Variants in NSMCE2 observed in about 807,000 individuals in gnomAD.
The protein encoded by NSMCE2 is NSE2 SUMO ligase component of SMC5/6 complex.
In NSMCE2, 24 loss-of-function variants were observed where a neutral mutation model predicts 23.8. The observed-to-expected ratio is 1.01, with a 90% CI of 0.73 to 1.42. The LOEUF (loss-of-function observed/expected upper bound fraction) is 1.42, where lower values mean the gene tolerates loss of function less well. Among genes scored for constraint, NSMCE2 ranks in the 40% most tolerant of loss-of-function variants. NSMCE2 has a pLI of 0.00. For synonymous variants in NSMCE2, 92 were observed against 94.1 expected (o/e 0.98, Z 0.13); for missense variants, 284 against 296.5 (o/e 0.96, Z 0.31).
At chr8:125,305,196 T>A (rs1228503295) in intron 5 of NSMCE2, among the ~76,000 whole-genome samples, 1 of 152,226 alleles carries the variant, frequency 6.6e-6, no homozygotes, top group East Asian at 1.9e-4. Flanking sequence ...AGACTGAAAC[T>A]ATATACCTGG....
At chr8:125,228,599 G>C (rs1416939415) in intron 5 of NSMCE2, among the ~76,000 whole-genome samples, 1 of 152,186 alleles carries the variant, frequency 6.6e-6, no homozygotes, top group African/African-American at 2.4e-5. Context: ...GGGCATTTGA[G>C]GCTGAGAGTA....
intron 7 of NSMCE2, among the ~76,000 whole-genome samples, chr8:125,360,081 C>T (rs554883293): frequency 1.3e-5 from 2 of 152,208 alleles, no homozygotes; most frequent in East Asian, 1.9e-4. Context: ...GAAGAAGCAG[C>T]GAGGGGTGGC....
intron 3 of NSMCE2, among the ~76,000 whole-genome samples, chr8:125,129,859 A>G (rs569386751): frequency 4.6e-5 from 7 of 152,214 alleles, no homozygotes; most frequent in Middle Eastern, 6.8e-3. Context: ...TGGAGTTCCC[A>G]TATACCCATA....
intron 5 of NSMCE2, among the ~76,000 whole-genome samples, chr8:125,252,255 A>G (rs1017020901): frequency 6.6e-6 from 1 of 152,222 alleles, no homozygotes; most frequent in Non-Finnish European, 1.5e-5. Context: ...CCGGCCGGGC[A>G]CAGTGGCTCA....
intron 5 of NSMCE2, among the ~76,000 whole-genome samples, chr8:125,244,312 A>G (rs1825875278): frequency 6.6e-6 from 1 of 152,150 alleles, no homozygotes; most frequent in African/African-American, 2.4e-5. Context: ...AGGATGAATA[A>G]TTTCCTAAGT....
chr8:125,153,990 G>T (rs1320874998), intron 4 of NSMCE2, among the ~76,000 whole-genome samples: 1 of 152,080 alleles, frequency 6.6e-6, no homozygotes, highest in African/African-American at 2.4e-5. Flanking sequence ...TTAAATTATT[G>T]CACAAGGTGT....
rs149646195 is a variant in NSMCE2, at chr8:125,262,517, G to A, written c.418+80261G>A. On this transcript the variant is annotated intron_variant, in intron 5 of 7. Transcript: ENST00000287437. The stretch of plus-strand genomic sequence containing the variant: ...CATTCATTCATTCATCCATTTATTA[G>A]TATTCATCCATTTATTGTTCATTCA... Among the ~76,000 whole-genome samples, 4 of 152,238 alleles carry A rather than the reference G, an allele frequency of 2.6e-5. No individual in the cohort carries two copies. In the East Asian group the frequency reaches 7.7e-4, roughly 29 times the overall value.
chr8:125,182,215 T>G lies in NSMCE2; in HGVS notation c.377T>G (p.Phe126Cys), dbSNP rs150168649. ...SDADFQNNEK[F>C]VQFKQQLKEL... ...GCAGACTTTCAAAATAATGAAAAAT[T>G]TGTACAGTTTAAACAACAGCTGAAA... is the stretch of plus-strand genomic sequence containing the variant. Residue 126 changes from phenylalanine to cysteine, a missense_variant, in exon 5 of 8, where the codon TTT becomes TGT. Phe to Cys is a radical substitution (Grantham distance 205). Transcript: ENST00000287437. 915 of 1,608,768 alleles carry G rather than the reference T, an allele frequency of 5.7e-4. 5 individuals are homozygous for G. The African/African-American group carries it at 0.011, about 20-fold the overall frequency.
intron 5 of NSMCE2, among the ~76,000 whole-genome samples, chr8:125,284,830 C>T (rs571194176): frequency 1.4e-4 from 22 of 152,102 alleles, no homozygotes; most frequent in Non-Finnish European, 3.1e-4. Context: ...ACAGTGAAAA[C>T]CCTGTCCCCT....
intron 3 of NSMCE2, among the ~76,000 whole-genome samples, chr8:125,144,659 C>G (rs1820573665): frequency 6.6e-6 from 1 of 152,140 alleles, no homozygotes; most frequent in Non-Finnish European, 1.5e-5. Flanking sequence ...CCTTTCCTTT[C>G]TTAGACGATC....
chr8:125,219,480 A>G (rs1824751604), intron 5 of NSMCE2, among the ~76,000 whole-genome samples: 1 of 152,344 alleles, frequency 6.6e-6, no homozygotes, highest in South Asian at 2.1e-4. Context: ...TGCTGCTGCT[A>G]TACTGCCTAG....
intron 3 of NSMCE2, among the ~76,000 whole-genome samples, chr8:125,126,410 C>T (rs1373643702): frequency 6.6e-6 from 1 of 151,582 alleles, no homozygotes; most frequent in Non-Finnish European, 1.5e-5. Context: ...TGTCTTTGCT[C>T]ACAAGATGTG....
At chr8:125,309,903 AC>A (rs1307573319) in intron 5 of NSMCE2, among the ~76,000 whole-genome samples, 5 of 152,196 alleles carry the variant, frequency 3.3e-5, no homozygotes, top group African/African-American at 1.2e-4. Context: ...AACAAGAAGC[AC>A]CAGTCTGTGG....
chr8:125,303,748 G>T (rs936606055), intron 5 of NSMCE2, among the ~76,000 whole-genome samples: 1 of 152,156 alleles, frequency 6.6e-6, no homozygotes, highest in African/African-American at 2.4e-5. Context: ...TTGTCCACCA[G>T]TCCCACACTG....
intron 4 of NSMCE2, among the ~76,000 whole-genome samples, chr8:125,167,258 C>G (rs1269805474): frequency 6.6e-6 from 1 of 152,122 alleles, no homozygotes; most frequent in Non-Finnish European, 1.5e-5. Context: ...AGTTGAGATT[C>G]TCATTAGTTA....
intron 3 of NSMCE2, chr8:125,124,178 A>T (rs1439624990): frequency 6.6e-6 from 1 of 152,142 alleles, no homozygotes; most frequent in Non-Finnish European, 1.5e-5. Context: ...CTGTTTTCTT[A>T]GCATAAGGTT....
chr8:125,160,709 G>A (rs1367231958), intron 4 of NSMCE2, among the ~76,000 whole-genome samples: 16 of 152,296 alleles, frequency 1.1e-4, no homozygotes, highest in South Asian at 6.2e-4. Flanking sequence ...CAGACAACAA[G>A]TAAACATTCA....
At position 125,243,350 on chromosome 8, in the gene NSMCE2, A is replaced by G. The variant is rs145206342; in HGVS notation, c.418+61094A>G. On this transcript the variant is annotated intron_variant, in intron 5 of 7. Transcript: ENST00000287437. ...AGAGAGTTACAGACTTATGTGTCAT[A>G]TCGAGAAATTTGGATTTGATTTTAA... Among the ~76,000 whole-genome samples the G allele has an allele frequency of 5.1e-4, 78 of 152,336 alleles. 1 individual carries two copies. In the East Asian group the frequency reaches 0.012, roughly 24 times the overall value.
At chr8:125,177,966 T>G (rs1822579253) in intron 4 of NSMCE2, among the ~76,000 whole-genome samples, 1 of 152,186 alleles carries the variant, frequency 6.6e-6, no homozygotes, top group South Asian at 2.1e-4. Flanking sequence ...GCTGTCCACA[T>G]TAAATATCTT....
Sources: allele counts gnomAD v4.1 joint callset (sites outside exome capture counted in the v4.1 genomes callset), GRCh38; gene constraint gnomAD v4.1.1; transcripts MANE v1.5; gene names NCBI Gene and HGNC (gene_info 2026-07-23, HGNC 2026-07-21).